TMEM132C: variants seen among roughly 807,000 people sequenced by gnomAD.
TMEM132C encodes the protein transmembrane protein 132C.
Under a neutral mutation model 61.4 loss-of-function variants are expected in TMEM132C, and 29 were observed. The ratio of observed to expected loss-of-function variants is 0.47; its 90% CI spans 0.35 to 0.64. The LOEUF (loss-of-function observed/expected upper bound fraction) is 0.64, where lower values mean the gene tolerates loss of function less well. Ranked by LOEUF, TMEM132C falls within the 30% of genes least tolerant of loss-of-function variation. The pLI is 0.00. For missense variants in TMEM132C, 1,408 were observed against 1,476.9 expected (o/e 0.95, Z 0.76); for synonymous variants, 656 against 633.1 (o/e 1.04, Z -0.54).
intron 2 of TMEM132C, among the ~76,000 whole-genome samples, chr12:128,497,906 C>G (rs886607729): frequency 6.6e-6 from 1 of 152,158 alleles, no homozygotes; most frequent in Non-Finnish European, 1.5e-5. Context: ...AATCACCCGT[C>G]TTCTGCATCG....
At chr12:128,319,602 C>T (rs533798573) in intron 1 of TMEM132C, among the ~76,000 whole-genome samples, 3 of 151,982 alleles carry the variant, frequency 2.0e-5, no homozygotes, top group South Asian at 4.2e-4. Context: ...CCGAGATGGG[C>T]GGATCACAGG....
chr12:128,546,727 A>G (rs1436483977), intron 3 of TMEM132C, among the ~76,000 whole-genome samples: 1 of 152,192 alleles, frequency 6.6e-6, no homozygotes, highest in Non-Finnish European at 1.5e-5. Context: ...TGGAGTCACC[A>G]TGCCTGGCCC....
intron 2 of TMEM132C, among the ~76,000 whole-genome samples, chr12:128,450,702 A>T (rs1458189): frequency 0.86 from 131,224 of 152,244 alleles, 56,818 homozygotes; most frequent in East Asian, 0.98. Flanking sequence ...TGAATTCGGT[A>T]TACAGAAAAA....
At chr12:128,329,154 G>C (rs1872605591) in intron 1 of TMEM132C, among the ~76,000 whole-genome samples, 1 of 152,248 alleles carries the variant, frequency 6.6e-6, no homozygotes, top group South Asian at 2.1e-4. Flanking sequence ...GATTTGCAAA[G>C]CATTTCTATT....
At chr12:128,407,926 A>G (rs553012637) in intron 1 of TMEM132C, among the ~76,000 whole-genome samples, 218 of 148,644 alleles carry the variant, frequency 1.5e-3, no homozygotes, top group Middle Eastern at 6.9e-3. Context: ...ACATATCTAG[A>G]TCAACAGGTC....
intron 2 of TMEM132C, among the ~76,000 whole-genome samples, chr12:128,542,773 A>G (rs12830624): frequency 0.33 from 48,694 of 147,850 alleles, 9,747 homozygotes; most frequent in Non-Finnish European, 0.44. Flanking sequence ...AGGCAGGGGA[A>G]TTGCTTGAAC....
chr12:128,441,837 AC>A, intron 2 of TMEM132C, among the ~76,000 whole-genome samples: 1 of 152,094 alleles, frequency 6.6e-6, no homozygotes, highest in Non-Finnish European at 1.5e-5. Context: ...TACTAAAAAT[AC>A]AAAAAAAATA....
intron 5 of TMEM132C, among the ~76,000 whole-genome samples, chr12:128,683,960 C>A (rs767481785): frequency 1.6e-4 from 23 of 142,508 alleles, no homozygotes; most frequent in Non-Finnish European, 3.2e-4. Flanking sequence ...GAGCAAAACT[C>A]TGTTTGAAAT....
intron 2 of TMEM132C, among the ~76,000 whole-genome samples, chr12:128,533,924 A>G (rs898728402): frequency 6.6e-6 from 1 of 150,502 alleles, no homozygotes; most frequent in Non-Finnish European, 1.5e-5. Context: ...ATACACACAC[A>G]CATGCTCCTC....
intron 2 of TMEM132C, among the ~76,000 whole-genome samples, chr12:128,538,898 G>T (rs1417932074): frequency 6.6e-6 from 1 of 152,120 alleles, no homozygotes; most frequent in Non-Finnish European, 1.5e-5. Context: ...GCTAATCACA[G>T]TAAAATCAAG....
intron 1 of TMEM132C, among the ~76,000 whole-genome samples, chr12:128,277,444 C>T (rs768292315): frequency 1.6e-4 from 25 of 152,296 alleles, no homozygotes; most frequent in South Asian, 6.2e-4. Flanking sequence ...ACTTCTCACA[C>T]GGTTGTAGAA....
chr12:128,320,604 A>G (rs1239070115), intron 1 of TMEM132C, among the ~76,000 whole-genome samples: 2 of 152,082 alleles, frequency 1.3e-5, no homozygotes, highest in Non-Finnish European at 2.9e-5. Flanking sequence ...CATCTCTACA[A>G]AAAAATTAAA....
At chr12:128,463,469 C>T (rs764360518) in intron 2 of TMEM132C, among the ~76,000 whole-genome samples, 3 of 152,134 alleles carry the variant, frequency 2.0e-5, no homozygotes, top group African/African-American at 4.8e-5. Context: ...CAGGCATGCA[C>T]CACCTCGCCT....
intron 2 of TMEM132C, among the ~76,000 whole-genome samples, chr12:128,480,650 T>C (rs1377305429): frequency 5.3e-5 from 8 of 152,150 alleles, no homozygotes; most frequent in Non-Finnish European, 1.2e-4. Context: ...CAGAGCTGAA[T>C]TTTGGGAATT....
At chr12:128,572,222 C>G (rs1318190664) in intron 3 of TMEM132C, among the ~76,000 whole-genome samples, 2 of 152,032 alleles carry the variant, frequency 1.3e-5, no homozygotes, top group African/African-American at 4.8e-5. Context: ...CTCTGGTTGG[C>G]CAGGCCTGGG....
At chr12:128,501,052 A>G (rs1872158801) in intron 2 of TMEM132C, among the ~76,000 whole-genome samples, 1 of 152,226 alleles carries the variant, frequency 6.6e-6, no homozygotes, top group Non-Finnish European at 1.5e-5. Flanking sequence ...ACAAATATCA[A>G]AAACATGCTA....
chr12:128,297,092 C>T (rs1057069587), intron 1 of TMEM132C, among the ~76,000 whole-genome samples: 2 of 152,000 alleles, frequency 1.3e-5, no homozygotes, highest in Admixed American at 1.3e-4. Context: ...AAGTTTTCCC[C>T]TTTTTAAACT....
intron 1 of TMEM132C, among the ~76,000 whole-genome samples, chr12:128,270,006 AG>A (rs1671378651): frequency 6.6e-6 from 1 of 152,236 alleles, no homozygotes. Context: ...TTCCATAAAT[AG>A]GACAGGGCAT....
At chr12:128,540,989 A>G (rs1248055328) in intron 2 of TMEM132C, among the ~76,000 whole-genome samples, 1 of 108,478 alleles carries the variant, frequency 9.2e-6, no homozygotes, top group Non-Finnish European at 2.3e-5. Context: ...CTCTGTCTGT[A>G]TGTCTCTGTC....
Sources: gnomAD v4.1 joint callset for allele counts (sites outside exome capture counted in the v4.1 genomes callset) on GRCh38, gnomAD v4.1.1 for gene constraint, MANE v1.5 for transcripts, NCBI Gene and HGNC (gene_info 2026-07-23, HGNC 2026-07-21) for gene names.